KHDRBS3: variants seen among roughly 807,000 people sequenced by gnomAD.
The protein encoded by KHDRBS3 is KH domain-containing, RNA-binding, signal transduction-associated protein 3.
In KHDRBS3, 23 loss-of-function variants were observed where a neutral mutation model predicts 45.6. The observed-to-expected ratio is 0.50, with a 90% CI of 0.36 to 0.72. KHDRBS3 has a LOEUF of 0.72. KHDRBS3 is among the 30% of genes least tolerant of loss of function. The pLI, the probability that KHDRBS3 is intolerant of heterozygous loss-of-function variation, is 0.00. For missense variants in KHDRBS3, 352 were observed against 424.8 expected, an observed-to-expected ratio of 0.83 and a Z score of 1.51; for synonymous variants, 162 against 156.5, an observed-to-expected ratio of 1.04 and a Z score of -0.26.
intron 7 of KHDRBS3, among the ~76,000 whole-genome samples, chr8:135,615,353 G>A (rs1829873788): frequency 1.3e-5 from 2 of 151,802 alleles, no homozygotes; most frequent in Admixed American, 1.3e-4. Context: ...ACCATCTGCT[G>A]TAGTGTATCA....
In KHDRBS3 at chr8:135,517,692, A is replaced by G. The variant is rs1193036645; in HGVS notation, c.89-3545A>G. Among the ~76,000 whole-genome samples the G allele has an allele frequency of 2.6e-5, 4 of 152,212 alleles. No homozygotes were observed. The East Asian group carries it at 7.7e-4, about 29-fold the overall frequency. ...CACAAGGGCCTGAGAAAAGTACAGC[A>G]TTCATGATTTAAACCAGGTCTGTTT... On this transcript the variant is annotated intron_variant, in intron 1 of 8. Transcript: ENST00000355849.
At chr8:135,562,319 G>A (rs1007094410) in intron 5 of KHDRBS3, among the ~76,000 whole-genome samples, 1 of 151,870 alleles carries the variant, frequency 6.6e-6, no homozygotes, top group African/African-American at 2.4e-5. Context: ...ACCTATCATT[G>A]TGTTATAGTC....
chr8:135,586,258 A>G (rs985909053), intron 6 of KHDRBS3, among the ~76,000 whole-genome samples: 3 of 152,138 alleles, frequency 2.0e-5, no homozygotes, highest in African/African-American at 7.2e-5. Context: ...GTAAAGAAGG[A>G]GCAGATTCAG....
chr8:135,492,071 A>G (rs1469285691), intron 1 of KHDRBS3, among the ~76,000 whole-genome samples: 4 of 152,124 alleles, frequency 2.6e-5, no homozygotes, highest in African/African-American at 7.2e-5. Flanking sequence ...AGAAGTCCAT[A>G]TGTATTACTT....
intron 2 of KHDRBS3, among the ~76,000 whole-genome samples, chr8:135,531,376 T>C (rs919272310): frequency 1.3e-5 from 2 of 152,028 alleles, no homozygotes; most frequent in African/African-American, 2.4e-5. Context: ...AATTAATATA[T>C]TTAAATAATA....
intron 1 of KHDRBS3, among the ~76,000 whole-genome samples, chr8:135,483,646 A>G (rs1448019786): frequency 6.6e-6 from 1 of 152,068 alleles, no homozygotes; most frequent in Non-Finnish European, 1.5e-5. Context: ...ATGATAGAGG[A>G]TATTTGTGTG....
At chr8:135,563,782 A>G (rs1827276635) in intron 5 of KHDRBS3, among the ~76,000 whole-genome samples, 1 of 152,106 alleles carries the variant, frequency 6.6e-6, no homozygotes, top group Non-Finnish European at 1.5e-5. Flanking sequence ...GCCGTCCAGG[A>G]TGCTGCCTTC....
rs1011551959 is a variant in KHDRBS3, at chr8:135,553,899, G to T, written c.472-3549G>T. ...GGGAGTTAAAATGATAATTTAAAAT[G>T]CAAAATTACAGAAATAAGTTAGTCT... On this transcript the variant is annotated intron_variant, in intron 4 of 8. Transcript: ENST00000355849. Among the ~76,000 whole-genome samples the T allele has an allele frequency of 5.9e-5, 9 of 152,204 alleles. No individual in the cohort carries two copies. The East Asian group carries it at 1.7e-3, about 29-fold the overall frequency.
chr8:135,621,655 T>A (rs1830144874), intron 7 of KHDRBS3, among the ~76,000 whole-genome samples: 1 of 150,782 alleles, frequency 6.6e-6, no homozygotes, highest in African/African-American at 2.4e-5. Flanking sequence ...CAGTAATAGA[T>A]GACCATTCTA....
At chr8:135,548,684 T>C (rs891632157) in intron 3 of KHDRBS3, 70 bp from the exon 4 acceptor site, 1 of 1,207,430 alleles carries the variant, frequency 8.3e-7, no homozygotes, top group Admixed American at 3.2e-5. Flanking sequence ...TTTTTATTTA[T>C]TTATTTATTT....
chr8:135,625,472 A>G, intron 7 of KHDRBS3: 1 of 780,718 alleles, frequency 1.3e-6, no homozygotes, highest in South Asian at 1.4e-5. Context: ...CTTAGGAGCC[A>G]CAGCAGTTCT....
At chr8:135,508,833 GC>G (rs1824135382) in intron 1 of KHDRBS3, among the ~76,000 whole-genome samples, 1 of 152,146 alleles carries the variant, frequency 6.6e-6, no homozygotes, top group Non-Finnish European at 1.5e-5. Context: ...GGAACTCCTA[GC>G]CTCTTTTTTC....
At chr8:135,532,220 G>A (rs1393489594) in intron 2 of KHDRBS3, among the ~76,000 whole-genome samples, 3 of 152,132 alleles carry the variant, frequency 2.0e-5, no homozygotes, top group Admixed American at 2.0e-4. Context: ...TGAATACTAA[G>A]AATGGGGATT....
chr8:135,535,791 C>T (rs1236149727), intron 2 of KHDRBS3, among the ~76,000 whole-genome samples: 1 of 152,084 alleles, frequency 6.6e-6, no homozygotes, highest in Non-Finnish European at 1.5e-5. Context: ...GTTCTGGAGG[C>T]TGGGAAGTCC....
chr8:135,486,610 T>C (rs770309779), intron 1 of KHDRBS3, among the ~76,000 whole-genome samples: 11 of 152,370 alleles, frequency 7.2e-5, no homozygotes, highest in Non-Finnish European at 1.2e-4. Flanking sequence ...GTGTCTGATA[T>C]CCAGTTGAAT....
At chr8:135,472,836 G>A (rs141243067) in intron 1 of KHDRBS3, among the ~76,000 whole-genome samples, 1 of 152,170 alleles carries the variant, frequency 6.6e-6, no homozygotes, top group Non-Finnish European at 1.5e-5. Context: ...TGAAGTTGTG[G>A]CTGAGGATGA....
At chr8:135,553,716 T>G (rs1826731076) in intron 4 of KHDRBS3, among the ~76,000 whole-genome samples, 1 of 152,132 alleles carries the variant, frequency 6.6e-6, no homozygotes, top group South Asian at 2.1e-4. Flanking sequence ...TTTAAAAACT[T>G]TTTCTCCATT....
intron 2 of KHDRBS3, among the ~76,000 whole-genome samples, chr8:135,527,646 T>C (rs1317586573): frequency 6.6e-6 from 1 of 152,232 alleles, no homozygotes; most frequent in Non-Finnish European, 1.5e-5. Context: ...ATAGTCATGC[T>C]GGAGTGAAAG....
chr8:135,505,536 G>A (rs1823951504), intron 1 of KHDRBS3, among the ~76,000 whole-genome samples: 3 of 152,198 alleles, frequency 2.0e-5, no homozygotes, highest in Admixed American at 2.0e-4. Context: ...AATCATGCCA[G>A]ATATTTTAGC....
Sources: gnomAD v4.1 joint callset for allele counts (sites outside exome capture counted in the v4.1 genomes callset) on GRCh38, gnomAD v4.1.1 for gene constraint, MANE v1.5 for transcripts, NCBI Gene and HGNC (gene_info 2026-07-23, HGNC 2026-07-21) for gene names.